TENM3: variants seen among roughly 807,000 people sequenced by gnomAD.
The protein encoded by TENM3 is teneurin-3.
Under a neutral mutation model 255.1 loss-of-function variants are expected in TENM3, and 63 were observed. That is an observed-to-expected ratio of 0.25 (90% confidence interval 0.20 to 0.30). The LOEUF (loss-of-function observed/expected upper bound fraction) is 0.30. Ranked by LOEUF, TENM3 falls within the 10% of genes least tolerant of loss-of-function variation. TENM3 has a pLI of 1.00. For missense variants in TENM3, 2,929 were observed against 3,461.1 expected, an observed-to-expected ratio of 0.85 and a Z score of 3.86; for synonymous variants, 1,306 against 1,322.3, an observed-to-expected ratio of 0.99 and a Z score of 0.27.
intron 1 of TENM3, among the ~76,000 whole-genome samples, chr4:182,273,337 G>A (rs1442025289): frequency 6.6e-6 from 1 of 152,200 alleles, no homozygotes; most frequent in Non-Finnish European, 1.5e-5. Flanking sequence ...TGGCTCCAGA[G>A]TTCACGTTCT....
At chr4:182,124,199 G>C in the TENM3 span, among the ~76,000 whole-genome samples, 1 of 151,984 alleles carries the variant, frequency 6.6e-6, no homozygotes, top group Non-Finnish European at 1.5e-5. Flanking sequence ...CTACAGGCAC[G>C]TGCCACCATG....
chr4:182,714,292 G>T, intron 13 of TENM3, 59 bp downstream of exon 13: 2 of 634,708 alleles, frequency 3.2e-6, no homozygotes, highest in Non-Finnish European at 4.7e-6. Flanking sequence ...GTAAGTGACA[G>T]TGAGTACATA....
chr4:182,683,256 A>G (rs1245210906), intron 11 of TENM3, among the ~76,000 whole-genome samples: 1 of 152,154 alleles, frequency 6.6e-6, no homozygotes, highest in Non-Finnish European at 1.5e-5. Flanking sequence ...GGAATAATAT[A>G]TATAACATAG....
the TENM3 span, among the ~76,000 whole-genome samples, chr4:181,603,711 G>A: frequency 6.6e-6 from 1 of 152,158 alleles, no homozygotes; most frequent in Non-Finnish European, 1.5e-5. Flanking sequence ...GTATAAAAAA[G>A]CATAAAGACA....
At chr4:182,727,623 G>A (rs1488114863) in intron 13 of TENM3, among the ~76,000 whole-genome samples, 1 of 152,034 alleles carries the variant, frequency 6.6e-6, no homozygotes, top group African/African-American at 2.4e-5. Context: ...TCCTTCTGAT[G>A]CTCCTGGAGA....
chr4:181,984,993 A>G, the TENM3 span, among the ~76,000 whole-genome samples: 24,765 of 152,026 alleles, frequency 0.16, 2,366 homozygotes, highest in Admixed American at 0.29. Context: ...TGCACTGGCC[A>G]ATAGTGACGG....
At chr4:181,895,907 T>G in the TENM3 span, among the ~76,000 whole-genome samples, 1 of 152,118 alleles carries the variant, frequency 6.6e-6, no homozygotes, top group Non-Finnish European at 1.5e-5. Context: ...TTATTTTAAT[T>G]GTGTCTCCAT....
chr4:181,765,135 G>T, the TENM3 span, among the ~76,000 whole-genome samples: 5 of 152,168 alleles, frequency 3.3e-5, no homozygotes, highest in African/African-American at 1.2e-4. Context: ...GATTCAGAAA[G>T]ATGTACCTGA....
the TENM3 span, among the ~76,000 whole-genome samples, chr4:181,639,685 G>A: frequency 1.3e-5 from 2 of 152,038 alleles, no homozygotes; most frequent in African/African-American, 4.8e-5. Context: ...GGTTGCAGTG[G>A]GCCGAGATCA....
chr4:182,150,943 C>T (rs534766098), intron 1 of TENM3, among the ~76,000 whole-genome samples: 2 of 151,986 alleles, frequency 1.3e-5, no homozygotes, highest in South Asian at 4.2e-4. Flanking sequence ...TGTTCCCTCC[C>T]CCAAACAGAA....
At chr4:181,864,572 T>C in the TENM3 span, among the ~76,000 whole-genome samples, 56 of 152,246 alleles carry the variant, frequency 3.7e-4, 1 homozygote, top group African/African-American at 1.3e-3. Flanking sequence ...GACCACGAAC[T>C]GGGAAACCGG....
the TENM3 span, among the ~76,000 whole-genome samples, chr4:181,532,294 A>G: frequency 6.6e-6 from 1 of 152,186 alleles, no homozygotes; most frequent in Non-Finnish European, 1.5e-5. Flanking sequence ...TATCACAGTT[A>G]CAATGAGAAT....
rs761162327 is a variant in TENM3, at chr4:182,736,940, G to A, written c.3100G>A (p.Val1034Ile). 15 of 1,613,690 alleles carry A rather than the reference G, an allele frequency of 9.3e-6. No homozygotes were observed. The African/African-American group carries it at 1.5e-4, about 16-fold the overall frequency. The change falls in exon 17 of 28, where the codon GTT (valine) becomes ATT (isoleucine). Residue 1034 changes from valine to isoleucine, a missense_variant. Transcript: ENST00000511685. Reference protein sequence around the residue: ...QSIIPFNLMKVHLMVAVVGRL... With the variant: ...QSIIPFNLMKIHLMVAVVGRL... ...TATTATTCCATTTAATTTAATGAAG[G>A]TTCATCTTATGGTAGCTGTAGTAGG... is the stretch of plus-strand genomic sequence containing the variant.
At chr4:181,496,133 C>G in the TENM3 span, among the ~76,000 whole-genome samples, 1 of 152,022 alleles carries the variant, frequency 6.6e-6, no homozygotes, top group East Asian at 1.9e-4. Flanking sequence ...AGAGCTGTCA[C>G]AGAAATGAAC....
At chr4:182,432,082 AAAAAAAAAGAAAG>A (rs1264779718) in intron 3 of TENM3, among the ~76,000 whole-genome samples, 1 of 151,904 alleles carries the variant, frequency 6.6e-6, no homozygotes, top group Non-Finnish European at 1.5e-5. Context: ...GTCTCAAAAA[AAAAAAAAAGAAAG>A]AAAGAAAAGA....
the TENM3 span, among the ~76,000 whole-genome samples, chr4:182,131,181 CAAAG>C: frequency 6.6e-6 from 1 of 152,214 alleles, no homozygotes; most frequent in African/African-American, 2.4e-5. Context: ...GCAGAACAGA[CAAAG>C]AGATTGCTTT....
At chr4:181,697,929 T>C in the TENM3 span, among the ~76,000 whole-genome samples, 1 of 151,984 alleles carries the variant, frequency 6.6e-6, no homozygotes, top group African/African-American at 2.4e-5. Context: ...AGATAAAATG[T>C]GTTGGCCAGG....
At chr4:182,220,750 G>C (rs1157285932) in intron 1 of TENM3, among the ~76,000 whole-genome samples, 1 of 152,192 alleles carries the variant, frequency 6.6e-6, no homozygotes, top group Non-Finnish European at 1.5e-5. Context: ...CCCATGTACA[G>C]TGTACATTTA....
the TENM3 span, among the ~76,000 whole-genome samples, chr4:181,786,467 G>A: frequency 6.6e-6 from 1 of 152,134 alleles, no homozygotes; most frequent in Non-Finnish European, 1.5e-5. Context: ...GGTGGGAGGT[G>A]GACACTAAAG....
Sources: allele counts gnomAD v4.1 joint callset (sites outside exome capture counted in the v4.1 genomes callset), GRCh38; gene constraint gnomAD v4.1.1; transcripts MANE v1.5; gene names NCBI Gene and HGNC (gene_info 2026-07-23, HGNC 2026-07-21).